FGF2: variants seen among roughly 807,000 people sequenced by gnomAD.
FGF2 encodes the protein basic fibroblast growth factor bFGF.
In FGF2, 13 loss-of-function variants were observed where a neutral mutation model predicts 15.9. That is an observed-to-expected ratio of 0.82 (90% CI 0.53 to 1.30). The LOEUF (loss-of-function observed/expected upper bound fraction) is 1.30. FGF2 is among the 50% of genes most tolerant of loss of function. The pLI is 0.00. For missense variants in FGF2, 163 were observed against 196.9 expected (o/e 0.83, Z 1.03); for synonymous variants, 90 against 78.4 (o/e 1.15, Z -0.78).
rs1727214907 is a variant in FGF2 at position 122,892,546 on chromosome 4, T to A, written c.*150T>A. ...TATCCAGTAGTAAAATATGTAACCA[T>A]TGTCCCAGTAAAGAAAAATAACAAA... On this transcript the variant is annotated 3_prime_UTR_variant, in exon 3 of 3. Transcript: ENST00000644866. 6.8e-7 allele frequency: 1 copy of A among 1,476,668 alleles called. No homozygotes were observed. Among genetic ancestry groups the A allele is most frequent in the Admixed American group, 2.6e-5 (1 of 38,452 alleles). The allele number at this position is 1,476,668 out of a possible 1,614,324, so 91.5% of individuals were successfully genotyped here. A position where few individuals can be genotyped will look rare whatever the true frequency, so the allele number is the denominator to read the frequency against.
intron 1 of FGF2, among the ~76,000 whole-genome samples, chr4:122,857,654 A>G (rs1474186468): frequency 2.6e-5 from 4 of 152,222 alleles, no homozygotes; most frequent in African/African-American, 9.6e-5. Flanking sequence ...CTTTTAGAAC[A>G]TGAGGTAATA....
Position 122,827,059 on chromosome 4 carries a change from G to A in FGF2, c.-116G>A, listed in dbSNP as rs1032038394. 16 of 1,090,466 alleles carry A rather than the reference G, an allele frequency of 1.5e-5. No homozygotes were observed. The highest frequency in any genetic ancestry group is 1.7e-5 in the Non-Finnish European group (15 of 899,404). The allele number at this position is 1,090,466 out of a possible 1,614,324, so 67.5% of individuals were successfully genotyped here. A position where few individuals can be genotyped will look rare whatever the true frequency, so the allele number is the denominator to read the frequency against. ...GCGCTGCCGGGCGGGAGGCTGGGGG[G>A]CCGGGGCCGGGGCCGTGCCCCGGAG... On this transcript the variant is annotated 5_prime_UTR_variant, in exon 1 of 3. Coordinates refer to ENST00000644866, the MANE Select transcript of FGF2 (RefSeq NM_001361665.2). The surrounding 1 kb of genome is among the most constrained non-coding windows in gnomAD (Gnocchi z 4.2).
In FGF2 at chr4:122,896,440, T is replaced by C. The variant is rs1222230058; in HGVS notation, c.*4044T>C. ...CCTGCAGACTGCTTTTTGCCCAATA[T>C]AGATTGGGTAAGGCTGCAAAACATA... On this transcript the variant is annotated 3_prime_UTR_variant, in exon 3 of 3. Coordinates refer to ENST00000644866, the MANE Select transcript of FGF2 (RefSeq NM_001361665.2). 2 of 152,204 alleles carry C rather than the reference T, an allele frequency of 1.3e-5. No homozygotes were observed. The highest frequency in any genetic ancestry group is 2.4e-5 in the African/African-American group (1 of 41,442). The allele number at this position is 152,204 out of a possible 1,614,324, so 9.4% of individuals were successfully genotyped here. A position where few individuals can be genotyped will look rare whatever the true frequency, so the allele number is the denominator to read the frequency against.
At chr4:122,859,675 C>G (rs199957821) in intron 1 of FGF2, among the ~76,000 whole-genome samples, 1 of 137,318 alleles carries the variant, frequency 7.3e-6, no homozygotes, top group African/African-American at 2.7e-5. Flanking sequence ...CACACACACA[C>G]AAAAGATCTA....
intron 1 of FGF2, among the ~76,000 whole-genome samples, chr4:122,866,879 G>A (rs1726607575): frequency 6.6e-6 from 1 of 152,124 alleles, no homozygotes; most frequent in Non-Finnish European, 1.5e-5. Flanking sequence ...TCTTGTCTAC[G>A]AATGTTCATA....
chr4:122,887,503 A>C (rs1422643278), intron 2 of FGF2, among the ~76,000 whole-genome samples: 2 of 152,218 alleles, frequency 1.3e-5, no homozygotes, highest in African/African-American at 2.4e-5. Context: ...CATTATGTAG[A>C]AATATCTCAC....
intron 1 of FGF2, among the ~76,000 whole-genome samples, chr4:122,850,535 A>C (rs1389375904): frequency 6.6e-6 from 1 of 152,106 alleles, no homozygotes; most frequent in East Asian, 1.9e-4. Flanking sequence ...TATTTTTTGG[A>C]GGAAGCAGAA....
At chr4:122,887,111 C>T (rs62322258) in intron 2 of FGF2, among the ~76,000 whole-genome samples, 26,027 of 152,010 alleles carry the variant, frequency 0.17, 2,773 homozygotes, top group East Asian at 0.45. Context: ...GTCAGGAGTT[C>T]GAGACCAGCC....
intron 2 of FGF2, 97 bp downstream of exon 2, chr4:122,876,521 C>T (rs970530687): frequency 1.9e-5 from 15 of 786,636 alleles, no homozygotes; most frequent in Admixed American, 1.6e-4. Flanking sequence ...AAGGATTTTA[C>T]GTGTATCATC....
chr4:122,896,181 CT>C lies in FGF2; in HGVS notation c.*3798del, dbSNP rs3840102. On this transcript the variant is annotated 3_prime_UTR_variant, in exon 3 of 3. Transcript: ENST00000644866. ...TGAGTTGTTGTGACAACCACAAGCA[CT>C]TTTTTTTTTTTTAAAGAAAAAAAGG... is the stretch of plus-strand genomic sequence containing the variant. 0.23 allele frequency: 33,669 copies of C among 144,734 alleles called. 3,846 individuals are homozygous for C. The highest frequency in any genetic ancestry group is 0.46 in the East Asian group (2,304 of 5,038). The allele number at this position is 144,734 out of a possible 1,614,324, so 9.0% of individuals were successfully genotyped here. A position where few individuals can be genotyped will look rare whatever the true frequency, so the allele number is the denominator to read the frequency against.
At position 122,827,716 on chromosome 4, in the gene FGF2, G is replaced by C. The variant is rs1725675145; in HGVS notation, c.178+364G>C. Among the ~76,000 whole-genome samples the C allele has an allele frequency of 6.6e-6, 1 of 152,200 alleles. No homozygotes were observed. The highest frequency in any genetic ancestry group is 2.4e-5 in the African/African-American group (1 of 41,456). The stretch of plus-strand genomic sequence containing the variant: ...AGCTCTGGCCGCTTCTATCTGCTGC[G>C]TGCTGTCCCGGGGACAAAGACAGGA... On this transcript the variant is annotated intron_variant, in intron 1 of 2. Coordinates refer to ENST00000644866, the MANE Select transcript of FGF2 (RefSeq NM_001361665.2). This position sits in a 1 kb window ranked among gnomAD's most constrained non-coding sequence, Gnocchi z 4.2.
chr4:122,827,117 G>T lies in FGF2; in HGVS notation c.-58G>T, dbSNP rs1560732494. On this transcript the variant is annotated 5_prime_UTR_variant, in exon 1 of 3. Coordinates refer to ENST00000644866, the MANE Select transcript of FGF2 (RefSeq NM_001361665.2). The surrounding 1 kb of genome is among the most constrained non-coding windows in gnomAD (Gnocchi z 4.2). Reference sequence around the variant, plus strand: ...GAGGCCGGGGCCGGGGCCGGGGGACGGCGGCTCCCCGCGCGGCTCCAGCGG... The same window carrying T: ...GAGGCCGGGGCCGGGGCCGGGGGACTGCGGCTCCCCGCGCGGCTCCAGCGG... 4 of 1,273,526 alleles carry T rather than the reference G, an allele frequency of 3.1e-6. No individual in the cohort carries two copies. Among genetic ancestry groups the T allele is most frequent in the African/African-American group, 3.1e-5 (2 of 63,620 alleles). The allele number at this position is 1,273,526 out of a possible 1,614,324, so 78.9% of individuals were successfully genotyped here.
intron 1 of FGF2, among the ~76,000 whole-genome samples, chr4:122,864,660 C>T (rs887027578): frequency 1.3e-5 from 2 of 152,040 alleles, no homozygotes; most frequent in African/African-American, 2.4e-5. Context: ...CATGAATGTG[C>T]GTATTTTCAG....
At chr4:122,830,832 A>AAAAAAAAAAAAAAAAAAG (rs1725750036) in intron 1 of FGF2, among the ~76,000 whole-genome samples, 1 of 151,282 alleles carries the variant, frequency 6.6e-6, no homozygotes, top group African/African-American at 2.4e-5. Context: ...AAAAAAAAAA[A>AAAAAAAAAAAAAAAAAAG]AAAAAAAATG....
intron 1 of FGF2, among the ~76,000 whole-genome samples, chr4:122,829,976 A>G (rs1315995751): frequency 6.6e-6 from 1 of 152,230 alleles, no homozygotes; most frequent in Admixed American, 6.5e-5. Context: ...ACAGTTTCCT[A>G]CTACATTATG....
intron 1 of FGF2, among the ~76,000 whole-genome samples, chr4:122,866,380 A>AT (rs1232711626): frequency 2.0e-5 from 3 of 151,814 alleles, no homozygotes; most frequent in Admixed American, 1.3e-4. Context: ...AAAAAAAAAA[A>AT]ATAAATAAAA....
intron 2 of FGF2, among the ~76,000 whole-genome samples, chr4:122,890,965 G>A (rs1202530244): frequency 6.6e-6 from 1 of 150,708 alleles, no homozygotes; most frequent in African/African-American, 2.4e-5. Context: ...TTTCCCCTTT[G>A]AGGTCAGTAA....
chr4:122,873,573 C>G (rs897963165), intron 1 of FGF2, among the ~76,000 whole-genome samples: 3 of 152,164 alleles, frequency 2.0e-5, no homozygotes, highest in Non-Finnish European at 2.9e-5. Flanking sequence ...ATTCCTCCTT[C>G]TATCAGAGAT....
At chr4:122,871,857 C>T (rs1000995747) in intron 1 of FGF2, among the ~76,000 whole-genome samples, 2 of 150,190 alleles carry the variant, frequency 1.3e-5, no homozygotes, top group African/African-American at 2.4e-5. Context: ...ACAAAAACCC[C>T]ATTCAAGGGT....
Sources: gnomAD v4.1 joint callset for allele counts (sites outside exome capture counted in the v4.1 genomes callset) on GRCh38, gnomAD v4.1.1 for gene constraint, Gnocchi (gnomAD v3.1) non-coding constraint, MANE v1.5 for transcripts, NCBI Gene and HGNC (gene_info 2026-07-23, HGNC 2026-07-21) for gene names.